THSD7B: variants seen among roughly 807,000 people sequenced by gnomAD.
The protein encoded by THSD7B is thrombospondin type-1 domain-containing protein 7B.
THSD7B carries 138 observed loss-of-function variants against 213.6 expected under a neutral mutation model. The ratio of observed to expected loss-of-function variants is 0.65; its 90% CI spans 0.56 to 0.74. The LOEUF (loss-of-function observed/expected upper bound fraction) is 0.74, where lower values mean the gene tolerates loss of function less well. Among genes scored for constraint, THSD7B ranks in the 30% least tolerant of loss-of-function variants. The probability of loss-of-function intolerance (pLI) is 0.00; values close to 1 mark genes in which losing one functional copy is unlikely to be tolerated. For synonymous variants in THSD7B, 742 were observed against 687.0 expected (o/e 1.08, Z -1.25); for missense variants, 1,931 against 1,991.5 (o/e 0.97, Z 0.58).
chr2:137,642,466 G>T, intron 20 of THSD7B, 22 bp from the exon 21 acceptor site: 2 of 1,612,262 alleles, frequency 1.2e-6, no homozygotes, highest in Non-Finnish European at 1.7e-6. Context: ...CTGAAAAGCT[G>T]ACACCTCCCT....
At chr2:137,091,491 TTTTTA>T (rs10660951) in intron 3 of THSD7B, among the ~76,000 whole-genome samples, 42 of 150,642 alleles carry the variant, frequency 2.8e-4, no homozygotes, top group African/African-American at 6.6e-4. Flanking sequence ...AAACAACAGA[TTTTTA>T]TTTTATTTTA....
chr2:137,143,381 G>T (rs1679630894), intron 5 of THSD7B, among the ~76,000 whole-genome samples: 1 of 152,136 alleles, frequency 6.6e-6, no homozygotes, highest in Admixed American at 6.6e-5. Flanking sequence ...CCTAGAGAAA[G>T]GCTGGTTAGT....
chr2:136,897,068 C>G lies in THSD7B; in HGVS notation c.139+14751C>G, dbSNP rs1175555892. Among the ~76,000 whole-genome samples, 4 of 152,158 alleles carry G rather than the reference C, an allele frequency of 2.6e-5. No individual in the cohort carries two copies. The East Asian group carries it at 7.7e-4, about 29-fold the overall frequency. ...TCAAGCAATCCTTCTACCTCAGCCTCCCAAGTAGCTAGGACTACAGGTGTG... is the reference window on the plus strand; with the variant it reads ...TCAAGCAATCCTTCTACCTCAGCCTGCCAAGTAGCTAGGACTACAGGTGTG... On this transcript the variant is annotated intron_variant, in intron 2 of 27. Transcript: ENST00000409968.
chr2:136,818,965 G>A (rs1682527310), intron 1 of THSD7B, among the ~76,000 whole-genome samples: 1 of 152,104 alleles, frequency 6.6e-6, no homozygotes, highest in African/African-American at 2.4e-5. Context: ...TTATGCTCGG[G>A]TGAAAGCAGA....
intron 5 of THSD7B, among the ~76,000 whole-genome samples, chr2:137,154,287 T>A (rs1679869575): frequency 6.6e-6 from 1 of 152,146 alleles, no homozygotes; most frequent in Non-Finnish European, 1.5e-5. Context: ...TGTAAGATAC[T>A]TCTTTTTGTC....
intron 12 of THSD7B, among the ~76,000 whole-genome samples, chr2:137,326,181 G>T (rs1231221642): frequency 6.6e-6 from 1 of 152,160 alleles, no homozygotes; most frequent in Non-Finnish European, 1.5e-5. Flanking sequence ...GAGGGACATA[G>T]CTTCTATCGA....
At chr2:136,964,466 C>A (rs2105088944) in intron 2 of THSD7B, among the ~76,000 whole-genome samples, 1 of 152,190 alleles carries the variant, frequency 6.6e-6, no homozygotes, top group Non-Finnish European at 1.5e-5. Context: ...TAACTCTTAA[C>A]TTTTGTCTGG....
intron 5 of THSD7B, among the ~76,000 whole-genome samples, chr2:137,152,396 T>G (rs1029534740): frequency 6.6e-6 from 1 of 152,212 alleles, no homozygotes; most frequent in Admixed American, 6.6e-5. Context: ...TCTATTATAA[T>G]TTTTCTTGCA....
chr2:136,813,660 A>G (rs886246223), intron 1 of THSD7B, among the ~76,000 whole-genome samples: 1 of 152,156 alleles, frequency 6.6e-6, no homozygotes, highest in African/African-American at 2.4e-5. Context: ...TTTCCAGTGA[A>G]CTCTACGAGT....
intron 15 of THSD7B, among the ~76,000 whole-genome samples, chr2:137,497,589 GTA>G (rs912577406): frequency 2.6e-5 from 4 of 150,988 alleles, no homozygotes; most frequent in African/African-American, 7.3e-5. Context: ...ATACATATCT[GTA>G]TATATATATG....
At chr2:137,077,438 A>G (rs930258888) in intron 3 of THSD7B, among the ~76,000 whole-genome samples, 5 of 152,120 alleles carry the variant, frequency 3.3e-5, no homozygotes, top group African/African-American at 1.2e-4. Context: ...TTACATTCTC[A>G]CCAACAGTGT....
At chr2:136,827,770 TGAGAGA>T (rs56349408) in intron 1 of THSD7B, among the ~76,000 whole-genome samples, 22,557 of 146,376 alleles carry the variant, frequency 0.15, 2,217 homozygotes, top group Non-Finnish European at 0.22. Context: ...TACACTGAAA[TGAGAGA>T]GAGAGAGAGA....
At chr2:137,221,423 CTG>C (rs34596168) in intron 7 of THSD7B, among the ~76,000 whole-genome samples, 84,908 of 151,772 alleles carry the variant, frequency 0.56, 23,885 homozygotes, top group South Asian at 0.71. Context: ...GGATACAAGA[CTG>C]TGCATTTGCC....
chr2:137,023,102 G>T (rs1472742428), intron 2 of THSD7B, among the ~76,000 whole-genome samples: 1 of 152,168 alleles, frequency 6.6e-6, no homozygotes, highest in Non-Finnish European at 1.5e-5. Flanking sequence ...TTTAACAAAA[G>T]AAATTTAATA....
intron 2 of THSD7B, among the ~76,000 whole-genome samples, chr2:136,968,406 A>G (rs1310434848): frequency 6.6e-6 from 1 of 151,718 alleles, no homozygotes; most frequent in Non-Finnish European, 1.5e-5. Context: ...GGCGTTTTGG[A>G]TTTCCTTTTG....
chr2:137,038,331 T>C (rs922886101), intron 2 of THSD7B, among the ~76,000 whole-genome samples: 2 of 152,144 alleles, frequency 1.3e-5, no homozygotes, highest in Admixed American at 6.6e-5. Context: ...GAAAGCTAAA[T>C]GGTCACATTT....
chr2:137,486,397 G>T (rs546341700), intron 15 of THSD7B, among the ~76,000 whole-genome samples: 71 of 151,164 alleles, frequency 4.7e-4, no homozygotes, highest in Non-Finnish European at 9.0e-4. Flanking sequence ...AAGAGACAAA[G>T]GCCATTACAT....
At chr2:136,857,591 C>T (rs1287661825) in intron 1 of THSD7B, among the ~76,000 whole-genome samples, 1 of 150,706 alleles carries the variant, frequency 6.6e-6, no homozygotes, top group Non-Finnish European at 1.5e-5. Flanking sequence ...TTATATAATT[C>T]ATTATATGTA....
intron 2 of THSD7B, among the ~76,000 whole-genome samples, chr2:136,953,299 G>A (rs1685071118): frequency 6.6e-6 from 1 of 152,134 alleles, no homozygotes; most frequent in African/African-American, 2.4e-5. Context: ...TTCAAGGCTA[G>A]CTAATTCCTT....
Sources: gnomAD v4.1 joint callset for allele counts (sites outside exome capture counted in the v4.1 genomes callset) on GRCh38, gnomAD v4.1.1 for gene constraint, MANE v1.5 for transcripts, NCBI Gene and HGNC (gene_info 2026-07-23, HGNC 2026-07-21) for gene names.